OTUD7A: variants seen among roughly 807,000 people sequenced by gnomAD.
OTUD7A encodes OTU deubiquitinase 7A.
A neutral mutation model predicts 65.7 loss-of-function variants in OTUD7A; 12 were observed. The observed-to-expected ratio is 0.18, with a 90% confidence interval of 0.12 to 0.30. OTUD7A has a LOEUF of 0.30. Ranked by LOEUF, OTUD7A falls within the 10% of genes least tolerant of loss-of-function variation. The pLI is 1.00. For missense variants in OTUD7A, 1,148 were observed against 1,304.8 expected, an observed-to-expected ratio of 0.88 and a Z score of 1.85; for synonymous variants, 641 against 586.3, an observed-to-expected ratio of 1.09 and a Z score of -1.35.
At chr15:31,754,114 T>C (rs1332557687) in intron 1 of OTUD7A, among the ~76,000 whole-genome samples, 3 of 152,144 alleles carry the variant, frequency 2.0e-5, no homozygotes, top group African/African-American at 7.2e-5. Flanking sequence ...TTTCTGCTCA[T>C]TAGTGATGTT....
intron 3 of OTUD7A, among the ~76,000 whole-genome samples, chr15:31,587,328 A>G (rs1259517773): frequency 6.6e-6 from 1 of 152,068 alleles, no homozygotes; most frequent in African/African-American, 2.4e-5. Flanking sequence ...CAGGACAGCC[A>G]GAGTGGCCCT....
chr15:31,644,889 C>G (rs1441397186), intron 3 of OTUD7A, among the ~76,000 whole-genome samples: 2 of 152,192 alleles, frequency 1.3e-5, no homozygotes, highest in African/African-American at 4.8e-5. Flanking sequence ...AGGCACTTTC[C>G]ATGGCTCTGT....
chr15:31,717,183 T>C (rs1362290498), intron 1 of OTUD7A, among the ~76,000 whole-genome samples: 2 of 152,220 alleles, frequency 1.3e-5, no homozygotes, highest in Non-Finnish European at 1.5e-5. Context: ...CGTTTTCATG[T>C]TTCTAATCTA....
intron 3 of OTUD7A, among the ~76,000 whole-genome samples, chr15:31,607,190 A>G (rs1443232635): frequency 6.6e-6 from 1 of 152,234 alleles, no homozygotes; most frequent in Non-Finnish European, 1.5e-5. Context: ...TGCCAGTGAC[A>G]AAAGCAGTGG....
intron 3 of OTUD7A, among the ~76,000 whole-genome samples, chr15:31,575,637 A>C (rs1379995680): frequency 6.6e-6 from 1 of 152,216 alleles, no homozygotes; most frequent in Non-Finnish European, 1.5e-5. Flanking sequence ...CTTATAGAGC[A>C]GCCACTATAA....
chr15:31,709,153 C>T (rs1400385996), intron 1 of OTUD7A, among the ~76,000 whole-genome samples: 2 of 151,524 alleles, frequency 1.3e-5, no homozygotes, highest in African/African-American at 4.9e-5. Flanking sequence ...GAGGGCTGAA[C>T]AGGCCAGACC....
chr15:31,475,810 T>C lies in OTUD7A; in HGVS notation c.*7484A>G, dbSNP rs187619063. ...GATTGACGACCTACTTTTGCCTCAG[T>C]GTTTTCCTTTGTCCACAGTAATCAA... On this transcript the variant is annotated 3_prime_UTR_variant, in exon 13 of 13. Transcript: ENST00000307050. 1.2e-4 allele frequency: 18 copies of C among 152,322 alleles called. No individual in the cohort carries two copies. Among genetic ancestry groups the C allele is most frequent in the African/African-American group, 4.3e-4 (18 of 41,578 alleles). The allele number at this position is 152,322 out of a possible 1,614,324, so 9.4% of individuals were successfully genotyped here. A position where few individuals can be genotyped will look rare whatever the true frequency, so the allele number is the denominator to read the frequency against.
At chr15:31,494,701 A>G (rs1320887696) in intron 10 of OTUD7A, among the ~76,000 whole-genome samples, 1 of 152,182 alleles carries the variant, frequency 6.6e-6, no homozygotes, top group Non-Finnish European at 1.5e-5. Context: ...CCTGTGGGAC[A>G]ATGACAACTG....
intron 1 of OTUD7A, among the ~76,000 whole-genome samples, chr15:31,859,193 T>C (rs1430510399): frequency 1.3e-5 from 2 of 152,232 alleles, no homozygotes; most frequent in African/African-American, 4.8e-5. Context: ...TATTTTTTTG[T>C]TGTTATTTTA....
chr15:31,772,048 C>T (rs1035052042), intron 1 of OTUD7A, among the ~76,000 whole-genome samples: 57 of 151,888 alleles, frequency 3.8e-4, no homozygotes, highest in African/African-American at 1.3e-3. Context: ...GTCAGGAGAT[C>T]GAGACCATCC....
chr15:31,591,283 T>C (rs988638789), intron 3 of OTUD7A, among the ~76,000 whole-genome samples: 1 of 151,932 alleles, frequency 6.6e-6, no homozygotes, highest in Non-Finnish European at 1.5e-5. Flanking sequence ...CTGGGAGAGC[T>C]TGGAGTGGTC....
intron 1 of OTUD7A, among the ~76,000 whole-genome samples, chr15:31,682,817 G>A (rs568089282): frequency 3.7e-4 from 57 of 152,324 alleles, no homozygotes; most frequent in African/African-American, 1.3e-3. Context: ...GTGTGTATGT[G>A]TATTTGTGAC....
intron 3 of OTUD7A, among the ~76,000 whole-genome samples, chr15:31,578,171 T>A (rs2141180981): frequency 6.6e-6 from 1 of 152,292 alleles, no homozygotes; most frequent in South Asian, 2.1e-4. Flanking sequence ...ACAGGCCTCA[T>A]TATGCCCTCC....
Position 31,483,663 on chromosome 15 carries a change from C to T in OTUD7A, c.2433G>A (p.Leu811=). 1 of 1,168,548 alleles carries T rather than the reference C, an allele frequency of 8.6e-7. No individual in the cohort carries two copies. The highest frequency in any genetic ancestry group is 1.1e-6 in the Non-Finnish European group (1 of 949,374). The allele number at this position is 1,168,548 out of a possible 1,614,324, so 72.4% of individuals were successfully genotyped here. The change falls in exon 13 of 13, where the codon CTG becomes CTA. Residue 811 remains leucine (L), a synonymous_variant. Coordinates refer to ENST00000307050, the MANE Select transcript of OTUD7A (RefSeq NM_001382637.1). ...GCGCCGGGCTGTAGCTCTGCGACGA[C>T]AGCGAGCGGTTCTGCTGCGGGTACG... ...CATYPQQNRS[L]SSQSYSPARA...
At chr15:31,560,809 C>G (rs1888663203) in intron 4 of OTUD7A, among the ~76,000 whole-genome samples, 1 of 152,218 alleles carries the variant, frequency 6.6e-6, no homozygotes, top group South Asian at 2.1e-4. Flanking sequence ...GGTCTGTGCT[C>G]CTGCAATGCC....
At chr15:31,797,027 C>A (rs1454182658) in intron 1 of OTUD7A, among the ~76,000 whole-genome samples, 1 of 151,062 alleles carries the variant, frequency 6.6e-6, no homozygotes, top group Non-Finnish European at 1.5e-5. Flanking sequence ...AGCCACGGCA[C>A]CTGGCCTCAA....
chr15:31,523,037 A>C (rs2041959497), intron 8 of OTUD7A, among the ~76,000 whole-genome samples: 1 of 152,116 alleles, frequency 6.6e-6, no homozygotes, highest in South Asian at 2.1e-4. Flanking sequence ...GGGATGAATA[A>C]AGCCACCTTA....
intron 10 of OTUD7A, among the ~76,000 whole-genome samples, chr15:31,496,780 T>C (rs1042602187): frequency 2.6e-4 from 40 of 152,324 alleles, no homozygotes; most frequent in African/African-American, 9.6e-4. Flanking sequence ...GATGGAAGGC[T>C]GCTTCCATGG....
intron 1 of OTUD7A, among the ~76,000 whole-genome samples, chr15:31,801,416 T>TTCTGGTTTGCAGAGGC (rs902094836): frequency 6.6e-6 from 1 of 152,240 alleles, no homozygotes; most frequent in African/African-American, 2.4e-5. Flanking sequence ...AACCCAGCCC[T>TTCTGGTTTGCAGAGGC]TCTGGTTTGC....
Sources: allele counts gnomAD v4.1 joint callset (sites outside exome capture counted in the v4.1 genomes callset), GRCh38; gene constraint gnomAD v4.1.1; transcripts MANE v1.5; gene names NCBI Gene and HGNC (gene_info 2026-07-23, HGNC 2026-07-21).